Variants in EPB41L2 observed in about 807,000 individuals in gnomAD.
The protein encoded by EPB41L2 is erythrocyte membrane protein band 4.1 like 2.
A neutral mutation model predicts 113.0 loss-of-function variants in EPB41L2; 43 were observed. That is an observed-to-expected ratio of 0.38 (90% CI 0.30 to 0.49). EPB41L2 has a LOEUF of 0.49. EPB41L2 is among the 20% of genes least tolerant of loss of function. EPB41L2 has a pLI of 0.95. For synonymous variants in EPB41L2, 442 were observed against 436.7 expected, an observed-to-expected ratio of 1.01 and a Z score of -0.15; for missense variants, 1,147 against 1,223.4, an observed-to-expected ratio of 0.94 and a Z score of 0.93.
intron 1 of EPB41L2, among the ~76,000 whole-genome samples, chr6:131,055,395 C>G (rs557664956): frequency 6.6e-6 from 1 of 152,072 alleles, no homozygotes; most frequent in African/African-American, 2.4e-5. Flanking sequence ...TTAAATGTCT[C>G]TAGTCTGAAA....
chr6:130,896,248 T>C (rs1794619573), intron 8 of EPB41L2, among the ~76,000 whole-genome samples: 1 of 152,230 alleles, frequency 6.6e-6, no homozygotes, highest in African/African-American at 2.4e-5. Flanking sequence ...GTAATTCATA[T>C]ATACAAATAA....
At chr6:130,935,789 C>T (rs1808582289) in intron 3 of EPB41L2, among the ~76,000 whole-genome samples, 1 of 152,162 alleles carries the variant, frequency 6.6e-6, no homozygotes, top group African/African-American at 2.4e-5. Context: ...CAAGAATCAG[C>T]TAGTAGACTA....
intron 1 of EPB41L2, among the ~76,000 whole-genome samples, chr6:131,009,814 A>G (rs1786487234): frequency 6.6e-6 from 1 of 152,234 alleles, no homozygotes; most frequent in African/African-American, 2.4e-5. Context: ...CCTTTTATGA[A>G]AATGTTTGGT....
At chr6:130,930,206 T>G (rs1269244575) in intron 3 of EPB41L2, among the ~76,000 whole-genome samples, 1 of 151,938 alleles carries the variant, frequency 6.6e-6, no homozygotes, top group Non-Finnish European at 1.5e-5. Context: ...ACCTGATGTT[T>G]CCCAAAACTA....
At chr6:131,043,874 G>T (rs970846511) in intron 1 of EPB41L2, among the ~76,000 whole-genome samples, 1 of 152,162 alleles carries the variant, frequency 6.6e-6, no homozygotes, top group African/African-American at 2.4e-5. Context: ...AAATAATATA[G>T]TAAGAAGTGA....
intron 15 of EPB41L2, chr6:130,868,909 C>T (rs1562340743): frequency 6.6e-6 from 1 of 152,374 alleles, no homozygotes; most frequent in Non-Finnish European, 1.5e-5. Flanking sequence ...GGATATCCTC[C>T]TATCAAATAG....
intron 19 of EPB41L2, among the ~76,000 whole-genome samples, chr6:130,855,115 G>A (rs948302024): frequency 7.9e-5 from 12 of 152,140 alleles, no homozygotes; most frequent in South Asian, 2.1e-4. Context: ...TTGGGAAGCC[G>A]AGGCAGGCAG....
chr6:131,051,452 C>CAAAAAAAAAAAAAAAAA (rs547631535), intron 1 of EPB41L2, among the ~76,000 whole-genome samples: 3 of 101,796 alleles, frequency 2.9e-5, no homozygotes, highest in African/African-American at 4.7e-5. Context: ...AAAAGTAAAG[C>CAAAAAAAAAAAAAAAAA]AAAAAAAAAA....
chr6:130,978,969 AG>A (rs1778770282), intron 1 of EPB41L2, among the ~76,000 whole-genome samples: 2 of 152,336 alleles, frequency 1.3e-5, no homozygotes, highest in South Asian at 4.1e-4. Flanking sequence ...GAATCATGAA[AG>A]ATAAATGCAT....
chr6:130,840,845 T>C (rs1334818426), intron 19 of EPB41L2, among the ~76,000 whole-genome samples: 4 of 152,198 alleles, frequency 2.6e-5, no homozygotes, highest in African/African-American at 9.6e-5. Flanking sequence ...AAGAGTTCAC[T>C]GCAAAAGAAT....
chr6:130,912,537 A>C (rs1007131503), intron 4 of EPB41L2, among the ~76,000 whole-genome samples: 21 of 152,180 alleles, frequency 1.4e-4, no homozygotes, highest in African/African-American at 3.9e-4. Context: ...GAACTACCAG[A>C]GCATGGTCTA....
rs1792374780 is a variant in EPB41L2, at chr6:130,890,312, A to T, written c.1642T>A (p.Ser548Thr). 1.2e-6 allele frequency: 2 copies of T among 1,611,172 alleles called. No homozygotes were observed. Among genetic ancestry groups the T allele is most frequent in the Non-Finnish European group, 1.7e-6 (2 of 1,178,990 alleles). ...TGTTTACCTCCATCTAGACTCCTGG[A>T]GACCCGTTTACTAGAAGTGCGCTCA... ...HFERTSSKRV[S>T]RSLDGAPIGV... The change falls in exon 11 of 20, where the codon TCC becomes ACC. Residue 548 changes from serine (S) to threonine (T), a missense_variant. Coordinates refer to ENST00000337057, the MANE Select transcript of EPB41L2 (RefSeq NM_001431.4).
intron 1 of EPB41L2, among the ~76,000 whole-genome samples, chr6:130,984,085 A>G (rs975406528): frequency 6.6e-6 from 1 of 152,164 alleles, no homozygotes; most frequent in Non-Finnish European, 1.5e-5. Flanking sequence ...AAAAACACAC[A>G]TACTAGCATA....
chr6:131,031,446 G>T (rs1792139653), intron 1 of EPB41L2, among the ~76,000 whole-genome samples: 1 of 152,026 alleles, frequency 6.6e-6, no homozygotes, highest in South Asian at 2.1e-4. Flanking sequence ...TTGTACCAAG[G>T]AGCATGCTGA....
chr6:130,979,492 CAAAAAAA>C (rs34912861), intron 1 of EPB41L2, among the ~76,000 whole-genome samples: 17 of 85,324 alleles, frequency 2.0e-4, no homozygotes, highest in Non-Finnish European at 2.8e-4. Context: ...GAGACTCTGT[CAAAAAAA>C]AAAAAAAAAA....
intron 1 of EPB41L2, among the ~76,000 whole-genome samples, chr6:131,003,778 T>C (rs1210735254): frequency 6.6e-6 from 1 of 152,232 alleles, no homozygotes; most frequent in Non-Finnish European, 1.5e-5. Context: ...TTAAACATTT[T>C]CTTTTTCCTT....
At chr6:130,899,385 A>T (rs1795631376) in intron 8 of EPB41L2, 106 bp downstream of exon 8, 1 of 882,524 alleles carries the variant, frequency 1.1e-6, no homozygotes, top group Non-Finnish European at 1.8e-6. Context: ...ATTGAAAGCA[A>T]ATATCCTTTT....
chr6:130,863,558 C>A lies in EPB41L2; in HGVS notation c.2910+80G>T, dbSNP rs1462629296. The stretch of plus-strand genomic sequence containing the variant: ...GAGGTTTGGGGAGAAGAGGTTTACA[C>A]AGGTATGCGACATGATGACAAATGT... On this transcript the variant is annotated intron_variant, in intron 18 of 19. Transcript: ENST00000337057. 6.1e-6 allele frequency: 6 copies of A among 991,532 alleles called. 1 individual carries two copies. The highest frequency in any genetic ancestry group is 9.5e-6 in the Non-Finnish European group (6 of 630,458). 61.4% of individuals were successfully genotyped at this position (991,532 alleles called of 1,614,324 possible). A position where few individuals can be genotyped will look rare whatever the true frequency, so the allele number is the denominator to read the frequency against.
At chr6:130,892,274 C>T (rs572509813) in intron 10 of EPB41L2, among the ~76,000 whole-genome samples, 10 of 151,320 alleles carry the variant, frequency 6.6e-5, no homozygotes, top group South Asian at 2.1e-4. Context: ...CCACAGGCAC[C>T]GATCTCTAAG....
Sources: gnomAD v4.1 joint callset for allele counts (sites outside exome capture counted in the v4.1 genomes callset) on GRCh38, gnomAD v4.1.1 for gene constraint, MANE v1.5 for transcripts, NCBI Gene and HGNC (gene_info 2026-07-23, HGNC 2026-07-21) for gene names.